The following TRPM3 variants were observed in gnomAD, a reference collection of about 807,000 sequenced individuals.
TRPM3 encodes long transient receptor potential channel 3.
Under a neutral mutation model 181.2 loss-of-function variants are expected in TRPM3, and 77 were observed. The ratio of observed to expected loss-of-function variants is 0.42; its 90% CI spans 0.35 to 0.51. The LOEUF (loss-of-function observed/expected upper bound fraction) is 0.51. Among genes scored for constraint, TRPM3 ranks in the 20% least tolerant of loss-of-function variants. The pLI is 0.01. For synonymous variants in TRPM3, 745 were observed against 796.4 expected, an observed-to-expected ratio of 0.94 and a Z score of 1.09; for missense variants, 1,759 against 2,196.7, an observed-to-expected ratio of 0.80 and a Z score of 3.98.
At chr9:71,011,460 A>C (rs910905133) in intron 1 of TRPM3, among the ~76,000 whole-genome samples, 2 of 151,896 alleles carry the variant, frequency 1.3e-5, no homozygotes, top group African/African-American at 4.9e-5. Context: ...ATTATAAAAT[A>C]AATAAAAGAG....
intron 1 of TRPM3, among the ~76,000 whole-genome samples, chr9:71,269,657 G>GTCA (rs1382215473): frequency 6.6e-6 from 1 of 152,138 alleles, no homozygotes; most frequent in Non-Finnish European, 1.5e-5. Flanking sequence ...TAGAAAAATC[G>GTCA]GAGTGAGTGA....
intron 1 of TRPM3, among the ~76,000 whole-genome samples, chr9:71,428,785 C>T (rs1408506808): frequency 6.6e-6 from 1 of 152,048 alleles, no homozygotes; most frequent in Non-Finnish European, 1.5e-5. Context: ...TGGATTTATA[C>T]TTTCTCATGG....
intron 1 of TRPM3, among the ~76,000 whole-genome samples, chr9:70,981,464 G>T (rs576170847): frequency 1.3e-5 from 2 of 152,320 alleles, no homozygotes; most frequent in South Asian, 4.1e-4. Context: ...GTCTGAGTGT[G>T]AAAGGAGACA....
At chr9:70,883,579 A>G (rs1046328988) in intron 1 of TRPM3, among the ~76,000 whole-genome samples, 5 of 152,156 alleles carry the variant, frequency 3.3e-5, no homozygotes, top group African/African-American at 1.2e-4. Context: ...ATTCTCATCA[A>G]TTTCTAGGCC....
chr9:71,427,904 G>C (rs2131590428), intron 1 of TRPM3, among the ~76,000 whole-genome samples: 1 of 151,994 alleles, frequency 6.6e-6, no homozygotes, highest in South Asian at 2.1e-4. Context: ...GTACCCCCTG[G>C]ATCTGAAATA....
At chr9:71,184,478 T>C (rs2077567878) in intron 1 of TRPM3, among the ~76,000 whole-genome samples, 2 of 152,246 alleles carry the variant, frequency 1.3e-5, no homozygotes, top group East Asian at 3.9e-4. Context: ...TCTTCAATAT[T>C]ATCAAAGCCC....
intron 1 of TRPM3, among the ~76,000 whole-genome samples, chr9:71,284,526 A>G (rs2085116507): frequency 6.6e-6 from 1 of 152,224 alleles, no homozygotes; most frequent in African/African-American, 2.4e-5. Context: ...TGAGCCTAAT[A>G]AACGCAGTAC....
chr9:71,342,691 A>G (rs889833054), intron 1 of TRPM3, among the ~76,000 whole-genome samples: 1 of 152,150 alleles, frequency 6.6e-6, no homozygotes, highest in Non-Finnish European at 1.5e-5. Context: ...TTACTATAAG[A>G]TCCAGCAACT....
At chr9:70,750,262 T>A (rs1401627839) in intron 8 of TRPM3, among the ~76,000 whole-genome samples, 1 of 152,120 alleles carries the variant, frequency 6.6e-6, no homozygotes. Flanking sequence ...AAAGAAAGTA[T>A]GGGAGTTTGG....
chr9:71,384,600 T>G (rs1346883477), intron 1 of TRPM3, among the ~76,000 whole-genome samples: 1 of 152,194 alleles, frequency 6.6e-6, no homozygotes, highest in Non-Finnish European at 1.5e-5. Context: ...TCACTCACAT[T>G]TCTATTCTTT....
intron 1 of TRPM3, among the ~76,000 whole-genome samples, chr9:71,393,247 CG>C (rs1375867397): frequency 6.6e-6 from 1 of 152,056 alleles, no homozygotes; most frequent in Non-Finnish European, 1.5e-5. Context: ...ATGCATAGAA[CG>C]GAAGTTTGAG....
At chr9:71,215,323 A>C (rs557594128) in intron 1 of TRPM3, among the ~76,000 whole-genome samples, 9 of 152,290 alleles carry the variant, frequency 5.9e-5, no homozygotes, top group Non-Finnish European at 1.0e-4. Flanking sequence ...AACTGTGAAA[A>C]CAGTCCTTTT....
At chr9:71,276,648 G>T (rs2084235596) in intron 1 of TRPM3, among the ~76,000 whole-genome samples, 1 of 152,074 alleles carries the variant, frequency 6.6e-6, no homozygotes, top group Non-Finnish European at 1.5e-5. Flanking sequence ...TATAAATATG[G>T]AATAATATCA....
intron 11 of TRPM3, among the ~76,000 whole-genome samples, chr9:70,637,866 T>A (rs2057461060): frequency 6.6e-6 from 1 of 152,172 alleles, no homozygotes; most frequent in Non-Finnish European, 1.5e-5. Context: ...TGCTATGGTT[T>A]GAATGTTTGT....
intron 1 of TRPM3, among the ~76,000 whole-genome samples, chr9:70,922,532 A>C (rs2096668247): frequency 6.6e-6 from 1 of 152,202 alleles, no homozygotes; most frequent in South Asian, 2.1e-4. Flanking sequence ...GGCAGCCTTG[A>C]CATTTTTGTA....
At chr9:71,084,352 G>A (rs554830146) in intron 1 of TRPM3, among the ~76,000 whole-genome samples, 1 of 152,016 alleles carries the variant, frequency 6.6e-6, no homozygotes, top group Non-Finnish European at 1.5e-5. Flanking sequence ...AAGTGATCTT[G>A]GGCATGAATG....
intron 1 of TRPM3, among the ~76,000 whole-genome samples, chr9:70,996,822 A>T (rs2097545214): frequency 1.3e-5 from 2 of 152,214 alleles, no homozygotes; most frequent in Admixed American, 6.5e-5. Context: ...GTGGATTAAA[A>T]TTTCTTCAGA....
chr9:71,153,564 C>T (rs1018351878), intron 1 of TRPM3, among the ~76,000 whole-genome samples: 3 of 151,926 alleles, frequency 2.0e-5, no homozygotes, highest in African/African-American at 4.8e-5. Flanking sequence ...ATTACATGCA[C>T]GAGCCACCAC....
At chr9:70,537,547 G>A (rs889673264) in intron 25 of TRPM3, 142 bp from the exon 26 acceptor site, 2 of 600,118 alleles carry the variant, frequency 3.3e-6, no homozygotes, top group Non-Finnish European at 4.9e-6. Context: ...GAGGGGTTGG[G>A]GAGGAGAGAA....
Sources: gnomAD v4.1 joint callset for allele counts (sites outside exome capture counted in the v4.1 genomes callset) on GRCh38, gnomAD v4.1.1 for gene constraint, MANE v1.5 for transcripts, NCBI Gene and HGNC (gene_info 2026-07-23, HGNC 2026-07-21) for gene names.